DNAJC6: variants seen among roughly 807,000 people sequenced by gnomAD.
DNAJC6 encodes DnaJ heat shock protein family (Hsp40) member C6, also known as auxilin.
A neutral mutation model predicts 110.0 loss-of-function variants in DNAJC6; 34 were observed. The ratio of observed to expected loss-of-function variants is 0.31; its 90% CI spans 0.24 to 0.41. The LOEUF is 0.41. Ranked by LOEUF, DNAJC6 falls within the 10% of genes least tolerant of loss-of-function variation. The pLI is 1.00. For missense variants in DNAJC6, 1,031 were observed against 1,207.8 expected, an observed-to-expected ratio of 0.85 and a Z score of 2.17; for synonymous variants, 406 against 437.2, an observed-to-expected ratio of 0.93 and a Z score of 0.89.
At chr1:65,311,343 G>C (rs2101368639) in intron 1 of DNAJC6, among the ~76,000 whole-genome samples, 1 of 147,192 alleles carries the variant, frequency 6.8e-6, no homozygotes, top group East Asian at 2.1e-4. Context: ...TCCTGCCTCA[G>C]CCTCCTGAGT....
At chr1:65,355,802 A>G (rs1244122540) in intron 1 of DNAJC6, among the ~76,000 whole-genome samples, 2 of 151,482 alleles carry the variant, frequency 1.3e-5, no homozygotes. Context: ...GGATACACCA[A>G]TAGGAGATTC....
intron 1 of DNAJC6, among the ~76,000 whole-genome samples, chr1:65,330,422 C>T (rs1645277082): frequency 6.6e-6 from 1 of 152,124 alleles, no homozygotes; most frequent in Non-Finnish European, 1.5e-5. Context: ...TCACAAAGGC[C>T]ATCATAACAG....
intron 1 of DNAJC6, among the ~76,000 whole-genome samples, chr1:65,328,648 C>T (rs998763385): frequency 2.0e-5 from 3 of 152,212 alleles, no homozygotes; most frequent in Non-Finnish European, 2.9e-5. Context: ...TCCACACCTG[C>T]CACTATTCTT....
intron 17 of DNAJC6, among the ~76,000 whole-genome samples, chr1:65,410,294 C>T (rs965834388): frequency 2.0e-5 from 3 of 152,166 alleles, no homozygotes; most frequent in East Asian, 3.8e-4. Context: ...ATATAATATA[C>T]ATCTAATATA....
intron 4 of DNAJC6, among the ~76,000 whole-genome samples, chr1:65,373,073 T>C (rs1219549809): frequency 2.0e-5 from 3 of 152,192 alleles, no homozygotes; most frequent in Non-Finnish European, 4.4e-5. Context: ...TTTATCTTTC[T>C]ATGCTTGGGT....
intron 9 of DNAJC6, among the ~76,000 whole-genome samples, chr1:65,388,880 G>A (rs1645897015): frequency 6.6e-6 from 1 of 152,106 alleles, no homozygotes; most frequent in South Asian, 2.1e-4. Context: ...CAGTTGTGGG[G>A]GTGGCTAGAG....
chr1:65,287,068 C>T (rs959528582), intron 1 of DNAJC6, among the ~76,000 whole-genome samples: 4 of 152,012 alleles, frequency 2.6e-5, no homozygotes, highest in African/African-American at 9.7e-5. Flanking sequence ...TTTTACTGAC[C>T]CATATGAAAA....
chr1:65,317,180 A>T (rs1265131172), intron 1 of DNAJC6, among the ~76,000 whole-genome samples: 1 of 152,204 alleles, frequency 6.6e-6, no homozygotes, highest in Admixed American at 6.5e-5. Flanking sequence ...TTTTGGAAAA[A>T]AGCTATGTTT....
chr1:65,317,028 G>A (rs1645155076), intron 1 of DNAJC6, among the ~76,000 whole-genome samples: 1 of 151,614 alleles, frequency 6.6e-6, no homozygotes, highest in Non-Finnish European at 1.5e-5. Context: ...TTTCTTAATC[G>A]GTGTCATTAA....
intron 5 of DNAJC6, among the ~76,000 whole-genome samples, chr1:65,381,895 G>A (rs1052968053): frequency 6.6e-5 from 10 of 152,158 alleles, no homozygotes; most frequent in Non-Finnish European, 1.0e-4. Context: ...AAGATAGTAC[G>A]AGAGCCTCAC....
chr1:65,358,364 C>G (rs1232179911), intron 1 of DNAJC6, among the ~76,000 whole-genome samples: 1 of 152,024 alleles, frequency 6.6e-6, no homozygotes, highest in Non-Finnish European at 1.5e-5. Context: ...TGCATGGGTA[C>G]AAATCCTGGC....
At chr1:65,388,460 G>A in intron 9 of DNAJC6, 45 bp downstream of exon 9, 1 of 1,570,360 alleles carries the variant, frequency 6.4e-7, no homozygotes, top group Non-Finnish European at 8.8e-7. Context: ...CAAATTAGCT[G>A]TGAAGTGCTG....
At chr1:65,311,213 C>CTTTT (rs1278871536) in intron 1 of DNAJC6, among the ~76,000 whole-genome samples, 33 of 69,724 alleles carry the variant, frequency 4.7e-4, no homozygotes, top group African/African-American at 6.6e-4. Context: ...GGTTTCAGGA[C>CTTTT]TGTTTTTTTT....
chr1:65,355,264 CAAAAA>C (rs58338708), intron 1 of DNAJC6, among the ~76,000 whole-genome samples: 3 of 84,224 alleles, frequency 3.6e-5, no homozygotes, highest in Non-Finnish European at 2.3e-5. Context: ...CACCCTGTCT[CAAAAA>C]AAAAAAAAAA....
At chr1:65,379,064 G>C (rs767849874) in intron 4 of DNAJC6, among the ~76,000 whole-genome samples, 14 of 152,118 alleles carry the variant, frequency 9.2e-5, no homozygotes, top group Non-Finnish European at 1.3e-4. Flanking sequence ...TAAACATTTG[G>C]GGGGAGGTCA....
In DNAJC6 at chr1:65,314,421, T is replaced by G. The variant is rs1233770387; in HGVS notation, c.193+4483T>G. 1.3e-5 allele frequency among the ~76,000 whole-genome samples: 2 copies of G among 152,196 alleles called. 1 individual carries two copies. Among genetic ancestry groups the G allele is most frequent in the African/African-American group, 4.8e-5 (2 of 41,456 alleles). On this transcript the variant is annotated intron_variant, in intron 1 of 18. Coordinates refer to ENST00000371069, the MANE Select transcript of DNAJC6 (RefSeq NM_001256864.2). ...ACATATATGTACTAATAATCCTTTC[T>G]TAAGAATATCTGCCCATTGAAGGGT...
At chr1:65,269,344 G>T (rs1653432624) in intron 1 of DNAJC6, among the ~76,000 whole-genome samples, 2 of 151,590 alleles carry the variant, frequency 1.3e-5, no homozygotes, top group African/African-American at 4.9e-5. Flanking sequence ...CTCCAGCTTG[G>T]GTGACAGAGT....
chr1:65,351,588 C>T (rs905848522), intron 1 of DNAJC6, among the ~76,000 whole-genome samples: 5 of 151,966 alleles, frequency 3.3e-5, no homozygotes, highest in Non-Finnish European at 7.4e-5. Flanking sequence ...TGTGAGATCC[C>T]TTTGAGTGTG....
intron 1 of DNAJC6, among the ~76,000 whole-genome samples, chr1:65,323,993 G>A (rs1359530): frequency 0.8 from 121,387 of 152,196 alleles, 49,162 homozygotes; most frequent in African/African-American, 0.95. Flanking sequence ...GCCCTATAGT[G>A]GATAACTTGA....
Sources: gnomAD v4.1 joint callset for allele counts (sites outside exome capture counted in the v4.1 genomes callset) on GRCh38, gnomAD v4.1.1 for gene constraint, MANE v1.5 for transcripts, NCBI Gene and HGNC (gene_info 2026-07-23, HGNC 2026-07-21) for gene names.